The following SLC18A2 variants were observed in gnomAD, a reference collection of about 807,000 sequenced individuals.
The protein encoded by SLC18A2 is solute carrier family 18 member A2.
Under a neutral mutation model 59.2 loss-of-function variants are expected in SLC18A2, and 33 were observed. That is an observed-to-expected ratio of 0.56 (90% confidence interval 0.42 to 0.75). The LOEUF (loss-of-function observed/expected upper bound fraction) is 0.75. Ranked by LOEUF, SLC18A2 falls within the 30% of genes least tolerant of loss-of-function variation. The probability of loss-of-function intolerance (pLI) is 0.00; values close to 1 mark genes in which losing one functional copy is unlikely to be tolerated. For missense variants in SLC18A2, 569 were observed against 668.6 expected, an observed-to-expected ratio of 0.85 and a Z score of 1.64; for synonymous variants, 228 against 253.5, an observed-to-expected ratio of 0.90 and a Z score of 0.95.
rs139678394 is a variant in SLC18A2, at chr10:117,244,371, C to T, written c.464+58C>T. On this transcript the variant is annotated intron_variant, in intron 3 of 15. Coordinates refer to ENST00000644641, the MANE Select transcript of SLC18A2 (RefSeq NM_003054.6). ...TATTTGTATCAGTCCTAGCTTATGT[C>T]CTTCCTGGAATTCTGCTTCTTACTC... is the stretch of plus-strand genomic sequence containing the variant. 38 of 1,433,296 alleles carry T rather than the reference C, an allele frequency of 2.7e-5. No individual in the cohort carries two copies. In the African/African-American group the frequency reaches 4.5e-4, roughly 17 times the overall value. 88.8% of individuals were successfully genotyped at this position (1,433,296 alleles called of 1,614,324 possible).
chr10:117,266,212 CT>C lies in SLC18A2; in HGVS notation c.992-513del, dbSNP rs796271045. On this transcript the variant is annotated intron_variant, in intron 10 of 15. Transcript: ENST00000644641. ...AAACAAGCAGGATAGAGTATAATCC[CT>C]TTTTTTTGTAAATCAAAACACACAT... Among the ~76,000 whole-genome samples the C allele has an allele frequency of 4.7e-3, 717 of 151,472 alleles. 10 individuals are homozygous for C. Among genetic ancestry groups the C allele is most frequent in the African/African-American group, 0.017 (689 of 41,296 alleles).
chr10:117,269,926 T>C lies in SLC18A2; in HGVS notation c.1187-145T>C. The C allele has an allele frequency of 1.1e-6, 1 of 935,982 alleles. No individual in the cohort carries two copies. The highest frequency in any genetic ancestry group is 1.7e-5 in the South Asian group (1 of 58,922). The allele number at this position is 935,982 out of a possible 1,614,324, so 58.0% of individuals were successfully genotyped here. A position where few individuals can be genotyped will look rare whatever the true frequency, so the allele number is the denominator to read the frequency against. ...TTCCTTCATTCTTTCTACTCAAAGA[T>C]TAGTATCACCCCAAGACTTGCAGGT... On this transcript the variant is annotated intron_variant, in intron 13 of 15. Transcript: ENST00000644641. This position sits in a 1 kb window ranked among gnomAD's most constrained non-coding sequence, Gnocchi z 5.1.
rs777325679 is a variant in SLC18A2, at chr10:117,257,898, G to T, written c.991+6G>T. 6.3e-7 allele frequency: 1 copy of T among 1,599,322 alleles called. No individual in the cohort carries two copies. Among genetic ancestry groups the T allele is most frequent in the South Asian group, 1.1e-5 (1 of 90,248 alleles). On this transcript the variant is annotated splice_donor_region_variant and intron_variant, in intron 10 of 15. Coordinates refer to ENST00000644641, the MANE Select transcript of SLC18A2 (RefSeq NM_003054.6). ...TTCCCGAAAGTGGCAGCTGGGTAAG[G>T]ACTGGGGTGGGCTCTTCTGATTCAA...
At chr10:117,268,972 A>G (rs886212171) in intron 13 of SLC18A2, among the ~76,000 whole-genome samples, 2 of 100,218 alleles carry the variant, frequency 2.0e-5, no homozygotes, top group African/African-American at 6.8e-5. Flanking sequence ...ACACTCATAC[A>G]CAAACACACA....
intron 12 of SLC18A2, 118 bp downstream of exon 12, chr10:117,267,153 T>C (rs1844358329): frequency 1.3e-6 from 1 of 745,896 alleles, no homozygotes; most frequent in Non-Finnish European, 2.3e-6. Context: ...ATTACAGCTT[T>C]CATTTTATTC....
chr10:117,241,684 C>T lies in SLC18A2; in HGVS notation c.-10C>T. 6.3e-7 allele frequency: 1 copy of T among 1,575,928 alleles called. No homozygotes were observed. The highest frequency in any genetic ancestry group is 8.6e-7 in the Non-Finnish European group (1 of 1,163,108). The stretch of plus-strand genomic sequence containing the variant: ...ACCGCGCACCGCGCCCGCAGCGGAG[C>T]CCCGGAGCCATGGCCCTGAGCGAGC... On this transcript the variant is annotated 5_prime_UTR_variant, in exon 2 of 16. Coordinates refer to ENST00000644641, the MANE Select transcript of SLC18A2 (RefSeq NM_003054.6).
intron 15 of SLC18A2, among the ~76,000 whole-genome samples, chr10:117,274,413 G>T (rs1565010530): frequency 6.6e-6 from 1 of 152,148 alleles, no homozygotes; most frequent in Non-Finnish European, 1.5e-5. Flanking sequence ...CCAGTCCTAG[G>T]TTCTGGGGTC....
chr10:117,264,419 T>A (rs1055125266), intron 10 of SLC18A2, among the ~76,000 whole-genome samples: 5 of 152,328 alleles, frequency 3.3e-5, no homozygotes, highest in Middle Eastern at 3.4e-3. Flanking sequence ...GAGGTTGCAC[T>A]AAGCCGAGAT....
At chr10:117,267,578 A>G in intron 12 of SLC18A2, 95 bp from the exon 13 acceptor site, 1 of 891,032 alleles carries the variant, frequency 1.1e-6, no homozygotes, top group Non-Finnish European at 1.7e-6. Flanking sequence ...GAACAGGCAT[A>G]CCACGCTCAG....
chr10:117,242,251 G>A lies in SLC18A2; in HGVS notation c.121+437G>A, dbSNP rs185200647. Among the ~76,000 whole-genome samples, 683 of 152,246 alleles carry A rather than the reference G, an allele frequency of 4.5e-3. 2 individuals are homozygous for A. Among genetic ancestry groups the A allele is most frequent in the African/African-American group, 0.016 (661 of 41,526 alleles). ...TTTCGATCCCTTACTCCAAAAACAA[G>A]ACATTTAGATATACTGTATTAGTGA... On this transcript the variant is annotated intron_variant, in intron 2 of 15. Transcript: ENST00000644641.
Position 117,279,018 on chromosome 10 carries a change from T to C in SLC18A2, c.*1752T>C, listed in dbSNP as rs1169296028. The C allele has an allele frequency of 6.6e-6, 1 of 152,234 alleles. No homozygotes were observed. Among genetic ancestry groups the C allele is most frequent in the Non-Finnish European group, 1.5e-5 (1 of 68,042 alleles). The allele number at this position is 152,234 out of a possible 1,614,324, so 9.4% of individuals were successfully genotyped here. ...CTGCCCCCAATACCATATACTTTAT[T>C]GCAATTTTATTTTTGCCTTTACGGC... On this transcript the variant is annotated 3_prime_UTR_variant, in exon 16 of 16. Transcript: ENST00000644641.
intron 15 of SLC18A2, among the ~76,000 whole-genome samples, chr10:117,275,498 G>A (rs1283901971): frequency 6.6e-6 from 1 of 152,164 alleles, no homozygotes; most frequent in Non-Finnish European, 1.5e-5. Flanking sequence ...AAAAACTCAA[G>A]ACATACCTGA....
rs1415667064 is a variant in SLC18A2 at position 117,244,243 on chromosome 10, G to T, written c.394G>T (p.Gly132Cys). Residue 132 changes from glycine to cysteine, a missense_variant, in exon 3 of 16, where the codon GGT (glycine) becomes TGT (cysteine). Coordinates refer to ENST00000644641, the MANE Select transcript of SLC18A2 (RefSeq NM_003054.6). ...KDLLNENVQV[G>C]LLFASKATVQ... The stretch of plus-strand genomic sequence containing the variant: ...CCTCCTGAATGAAAACGTGCAAGTT[G>T]GTCTGTTGTTTGCCTCGAAAGCCAC... 1 of 1,614,220 alleles carries T rather than the reference G, an allele frequency of 6.2e-7. No homozygotes were observed. The highest frequency in any genetic ancestry group is 8.5e-7 in the Non-Finnish European group (1 of 1,180,036).
intron 6 of SLC18A2, 91 bp from the exon 7 acceptor site, chr10:117,255,186 G>C: frequency 1.6e-6 from 2 of 1,231,770 alleles, no homozygotes; most frequent in South Asian, 2.5e-5. Context: ...GAACAAAGTA[G>C]AGAGAGAAAC....
At chr10:117,250,696 G>A (rs1844153828) in intron 3 of SLC18A2, among the ~76,000 whole-genome samples, 1 of 152,182 alleles carries the variant, frequency 6.6e-6, no homozygotes, top group African/African-American at 2.4e-5. Context: ...TTTGGGGCAA[G>A]TAATTCACCT....
In SLC18A2 at chr10:117,253,453, A is replaced by G. The variant is rs2063275255; in HGVS notation, c.519A>G (p.Thr173=). The G allele has an allele frequency of 1.2e-6, 2 of 1,605,030 alleles. No homozygotes were observed. Among genetic ancestry groups the G allele is most frequent in the Non-Finnish European group, 1.7e-6 (2 of 1,174,336 alleles). ...FAGFCIMFVS[T]IMFAFSSSYA... ...GATTCTGCATCATGTTTGTCTCAACAATTAGTAAGTGTGTGGTGTTTTCCT... is the reference window on the plus strand; with the variant it reads ...GATTCTGCATCATGTTTGTCTCAACGATTAGTAAGTGTGTGGTGTTTTCCT... Residue 173 remains threonine, a synonymous_variant, in exon 4 of 16, where the codon ACA becomes ACG. Coordinates refer to ENST00000644641, the MANE Select transcript of SLC18A2 (RefSeq NM_003054.6).
At chr10:117,265,790 A>G (rs1325037922) in intron 10 of SLC18A2, among the ~76,000 whole-genome samples, 1 of 152,152 alleles carries the variant, frequency 6.6e-6, no homozygotes, top group Admixed American at 6.5e-5. Flanking sequence ...TGGGGACAGC[A>G]ATAAAACTTG....
At chr10:117,257,754 A>G in intron 9 of SLC18A2, 43 bp from the exon 10 acceptor site, 1 of 1,324,196 alleles carries the variant, frequency 7.6e-7, no homozygotes, top group South Asian at 1.4e-5. Flanking sequence ...TGGAAATGAG[A>G]GAGGAGGCAG....
chr10:117,248,011 C>T (rs969485734), intron 3 of SLC18A2, among the ~76,000 whole-genome samples: 1 of 152,072 alleles, frequency 6.6e-6, no homozygotes, highest in African/African-American at 2.4e-5. Flanking sequence ...GCTCTATTGC[C>T]CAGGCTGGAG....
Sources: allele counts gnomAD v4.1 joint callset (sites outside exome capture counted in the v4.1 genomes callset), GRCh38; gene constraint gnomAD v4.1.1; non-coding constraint Gnocchi (gnomAD v3.1); transcripts MANE v1.5; gene names NCBI Gene and HGNC (gene_info 2026-07-23, HGNC 2026-07-21).